STK3: variants seen among roughly 807,000 people sequenced by gnomAD.
STK3 encodes the protein serine/threonine kinase 3.
In STK3, 41 loss-of-function variants were observed where a neutral mutation model predicts 58.0. The observed-to-expected ratio is 0.71, with a 90% CI of 0.55 to 0.92. The LOEUF (loss-of-function observed/expected upper bound fraction) is 0.92. Ranked by LOEUF, STK3 falls within the 40% of genes least tolerant of loss-of-function variation. The pLI, the probability that STK3 is intolerant of heterozygous loss-of-function variation, is 0.00. For synonymous variants in STK3, 170 were observed against 191.0 expected (o/e 0.89, Z 0.91); for missense variants, 479 against 602.7 (o/e 0.79, Z 2.15).
chr8:98,640,619 T>C (rs1002575234), intron 6 of STK3, among the ~76,000 whole-genome samples: 5 of 152,100 alleles, frequency 3.3e-5, no homozygotes, highest in African/African-American at 1.2e-4. Context: ...ACAATTTGCA[T>C]TTATTATTAA....
At chr8:98,754,667 G>A (rs555985871) in intron 3 of STK3, among the ~76,000 whole-genome samples, 18 of 152,010 alleles carry the variant, frequency 1.2e-4, no homozygotes, top group Middle Eastern at 3.4e-3. Flanking sequence ...GTGTCACCAC[G>A]CCCAGCTAAT....
intron 1 of STK3, among the ~76,000 whole-genome samples, chr8:98,908,618 G>T (rs1269801607): frequency 6.6e-6 from 1 of 152,130 alleles, no homozygotes; most frequent in Non-Finnish European, 1.5e-5. Flanking sequence ...GGCCGGGGCG[G>T]GCGGATCACC....
At chr8:98,778,756 C>G (rs1311991536) in intron 1 of STK3, 2 of 152,132 alleles carry the variant, frequency 1.3e-5, no homozygotes, top group Non-Finnish European at 2.9e-5. Context: ...TGGAAACCAT[C>G]ATTCTGAGCA....
chr8:98,843,974 A>G (rs763003059), intron 3 of STK3, among the ~76,000 whole-genome samples: 11 of 152,196 alleles, frequency 7.2e-5, no homozygotes, highest in African/African-American at 2.7e-4. Context: ...AGCATAGCCA[A>G]CAAAATGGGA....
intron 1 of STK3, among the ~76,000 whole-genome samples, chr8:98,779,985 T>A (rs1275036587): frequency 6.6e-6 from 1 of 151,780 alleles, no homozygotes; most frequent in Non-Finnish European, 1.5e-5. Flanking sequence ...TTCCCAGAAA[T>A]GAAACTGAGA....
At chr8:98,631,732 T>C (rs1171028618) in intron 6 of STK3, among the ~76,000 whole-genome samples, 2 of 152,200 alleles carry the variant, frequency 1.3e-5, no homozygotes, top group Non-Finnish European at 2.9e-5. Flanking sequence ...TGGCACGACC[T>C]CGGCTCACTG....
rs56187203 is a variant in STK3, at chr8:98,915,432, CTATATATATATATA to C, written c.-79+26932_-79+26945del. Among the ~76,000 whole-genome samples, 56 of 94,746 alleles carry C rather than the reference CTATATATATATATA, an allele frequency of 5.9e-4. 4 individuals are homozygous for C. The highest frequency in any genetic ancestry group is 3.9e-3 in the East Asian group (11 of 2,838). 62.2% of individuals were successfully genotyped at this position (94,746 alleles called of 152,430 possible). ...GTGAGTTAATACTTAATAAACTTTC[CTATATATATATATA>C]TATATATATATATATATATATATAG... On this transcript the variant is annotated intron_variant, in intron 1 of 1. Coordinates refer to the STK3 transcript ENST00000519420.
In STK3 at chr8:98,579,899, T is replaced by G. The variant is rs1338262187; in HGVS notation, c.823-110A>C. On this transcript the variant is annotated intron_variant, in intron 7 of 10. Coordinates refer to ENST00000419617, the MANE Select transcript of STK3 (RefSeq NM_006281.4). Reference sequence around the variant, plus strand: ...AACCAGGATCACAGGCTTCAATGATTGTTTTTTCATCTAGAATTAAATGTA... The same window carrying G: ...AACCAGGATCACAGGCTTCAATGATGGTTTTTTCATCTAGAATTAAATGTA... The G allele has an allele frequency of 4.0e-6, 4 of 992,838 alleles. No homozygotes were observed. The African/African-American group carries it at 6.9e-5, about 17-fold the overall frequency. 61.5% of individuals were successfully genotyped at this position (992,838 alleles called of 1,614,324 possible).
chr8:98,561,703 G>C (rs941467243), intron 8 of STK3, among the ~76,000 whole-genome samples: 1 of 152,008 alleles, frequency 6.6e-6, no homozygotes, highest in African/African-American at 2.4e-5. Context: ...TCTGCTCTGT[G>C]AAAGACACTA....
chr8:98,545,188 T>C (rs1231389053), intron 9 of STK3, among the ~76,000 whole-genome samples: 1 of 152,202 alleles, frequency 6.6e-6, no homozygotes, highest in African/African-American at 2.4e-5. Flanking sequence ...TTTTACCCAG[T>C]GTCAAGCATT....
In STK3 at chr8:98,730,892, C is replaced by T. The variant is rs190605499; in HGVS notation, c.351+18384G>A. ...AACCATCCTTTAACCCAGGGACTAA[C>T]GCTGATCGACATTTAAATATGCTTC... On this transcript the variant is annotated intron_variant, in intron 4 of 10. Coordinates refer to ENST00000419617, the MANE Select transcript of STK3 (RefSeq NM_006281.4). 1.1e-4 allele frequency among the ~76,000 whole-genome samples: 16 copies of T among 152,182 alleles called. No homozygotes were observed. In the East Asian group the frequency reaches 3.1e-3, roughly 29 times the overall value.
chr8:98,726,003 G>A (rs1827769189), intron 4 of STK3, among the ~76,000 whole-genome samples: 1 of 152,130 alleles, frequency 6.6e-6, no homozygotes, highest in Non-Finnish European at 1.5e-5. Context: ...ACATCCAAAG[G>A]GCTTTCCACT....
chr8:98,890,633 T>C (rs999328766), intron 1 of STK3, among the ~76,000 whole-genome samples: 1 of 152,220 alleles, frequency 6.6e-6, no homozygotes, highest in Non-Finnish European at 1.5e-5. Context: ...AAGTTTTCAC[T>C]GGACCTTTCT....
chr8:98,744,259 C>G (rs964755248), intron 4 of STK3, among the ~76,000 whole-genome samples: 1 of 152,140 alleles, frequency 6.6e-6, no homozygotes. Flanking sequence ...ATAAATCATG[C>G]TGCTATAAAG....
chr8:98,687,226 C>T (rs748664073), intron 6 of STK3, among the ~76,000 whole-genome samples: 13 of 152,114 alleles, frequency 8.5e-5, no homozygotes, highest in African/African-American at 2.7e-4. Context: ...AACTTTTTGG[C>T]GCAAGGAACC....
chr8:98,876,521 A>G (rs996581304), intron 3 of STK3, among the ~76,000 whole-genome samples: 1 of 152,190 alleles, frequency 6.6e-6, no homozygotes, highest in African/African-American at 2.4e-5. Context: ...AGGAATGTCC[A>G]TAATAAACCA....
intron 10 of STK3, among the ~76,000 whole-genome samples, chr8:98,485,704 G>A (rs1479666026): frequency 6.6e-6 from 1 of 152,182 alleles, no homozygotes; most frequent in Non-Finnish European, 1.5e-5. Flanking sequence ...GTAGGAGGCT[G>A]CCATGTACAT....
chr8:98,621,615 G>C lies in STK3; in HGVS notation c.685-25446C>G, dbSNP rs1421306129. 3.3e-5 allele frequency among the ~76,000 whole-genome samples: 5 copies of C among 152,204 alleles called. 1 individual carries two copies. In the South Asian group the frequency reaches 1.0e-3, roughly 32 times the overall value. ...AGATCATTCAATACCGTAAATGGGTGCTGAATTGCATCAAATTTTTTTTTC... is the reference window on the plus strand; with the variant it reads ...AGATCATTCAATACCGTAAATGGGTCCTGAATTGCATCAAATTTTTTTTTC... On this transcript the variant is annotated intron_variant, in intron 6 of 10. Coordinates refer to ENST00000419617, the MANE Select transcript of STK3 (RefSeq NM_006281.4).
At chr8:98,641,460 A>G (rs1021052273) in intron 6 of STK3, among the ~76,000 whole-genome samples, 4 of 152,242 alleles carry the variant, frequency 2.6e-5, no homozygotes, top group Non-Finnish European at 5.9e-5. Context: ...TCTTTGGCAT[A>G]CAGGATTCAT....
Sources: gnomAD v4.1 joint callset for allele counts (sites outside exome capture counted in the v4.1 genomes callset) on GRCh38, gnomAD v4.1.1 for gene constraint, MANE v1.5 for transcripts, NCBI Gene and HGNC (gene_info 2026-07-23, HGNC 2026-07-21) for gene names.